The following EFCAB6 variants were observed in gnomAD, a reference collection of about 807,000 sequenced individuals.
EFCAB6 encodes EF-hand calcium-binding domain-containing protein 6.
EFCAB6 carries 156 observed loss-of-function variants against 169.8 expected under a neutral mutation model. The ratio of observed to expected loss-of-function variants is 0.92; its 90% CI spans 0.81 to 1.05. EFCAB6 has a LOEUF of 1.05. Ranked by LOEUF, EFCAB6 falls within the 50% of genes least tolerant of loss-of-function variation. The pLI is 0.00. For synonymous variants in EFCAB6, 698 were observed against 676.4 expected (o/e 1.03, Z -0.50); for missense variants, 1,800 against 1,829.1 (o/e 0.98, Z 0.29).
rs187049667 is a variant in EFCAB6, at chr22:43,763,809, T to C, written c.440+1496A>G. 1.2e-3 allele frequency among the ~76,000 whole-genome samples: 178 copies of C among 152,322 alleles called. 2 individuals are homozygous for C. The highest frequency in any genetic ancestry group is 2.1e-3 in the Admixed American group (32 of 15,294). On this transcript the variant is annotated intron_variant, in intron 5 of 31. Coordinates refer to ENST00000262726, the MANE Select transcript of EFCAB6 (RefSeq NM_022785.4). ...TCTTTTGAGACAGAGTCTCACTTTG[T>C]CACCCAGGCTGGAGTGCAGTGGCAC... is the stretch of plus-strand genomic sequence containing the variant.
chr22:43,604,276 T>C (rs1030571902), intron 22 of EFCAB6, among the ~76,000 whole-genome samples: 9 of 152,200 alleles, frequency 5.9e-5, no homozygotes, highest in African/African-American at 1.7e-4. Flanking sequence ...TCAAAGGGCA[T>C]ATTCAGTATG....
At chr22:43,705,470 T>C (rs60466203) in intron 10 of EFCAB6, among the ~76,000 whole-genome samples, 3,384 of 152,168 alleles carry the variant, frequency 0.022, 113 homozygotes, top group African/African-American at 0.078. Context: ...GATCAGATAA[T>C]AGGCCACAAG....
intron 10 of EFCAB6, among the ~76,000 whole-genome samples, chr22:43,710,902 C>G (rs2059138012): frequency 1.3e-5 from 2 of 152,094 alleles, no homozygotes. Context: ...GGGTTACAAG[C>G]AGTCAAATGC....
At chr22:43,679,238 G>A (rs1379972867) in intron 12 of EFCAB6, among the ~76,000 whole-genome samples, 1 of 152,178 alleles carries the variant, frequency 6.6e-6, no homozygotes, top group Non-Finnish European at 1.5e-5. Flanking sequence ...CATGTAAATA[G>A]AATCATAAAT....
chr22:43,716,876 T>C lies in EFCAB6; in HGVS notation c.854A>G (p.Asp285Gly), dbSNP rs1406121967. Reference protein sequence around the residue: ...SEDIWRNYSLDEIERNFCLQL... With the variant: ...SEDIWRNYSLGEIERNFCLQL... The stretch of plus-strand genomic sequence containing the variant: ...TAGACAAAAGTTCCTCTCAATTTCA[T>C]CCAAGGAGTAGTTTCTCCAGATATC... Residue 285 changes from aspartate to glycine, a missense_variant, in exon 9 of 32, where the codon GAT (aspartate) becomes GGT (glycine). By Grantham distance (94) the Asp-to-Gly change is moderately conservative. Transcript: ENST00000262726. The C allele has an allele frequency of 3.7e-6, 6 of 1,604,038 alleles. No individual in the cohort carries two copies. The Admixed American group carries it at 1.0e-4, about 27-fold the overall frequency.
chr22:43,540,022 A>G, intron 28 of EFCAB6, 105 bp downstream of exon 28: 1 of 1,278,170 alleles, frequency 7.8e-7, no homozygotes, highest in Non-Finnish European at 1.1e-6. Context: ...CCGTCTTCTC[A>G]GCCACTCAAC....
At position 43,529,014 on chromosome 22, in the gene EFCAB6, G is replaced by C. The variant is rs575205464; in HGVS notation, c.4384-39C>G. On this transcript the variant is annotated intron_variant, in intron 31 of 31. Coordinates refer to ENST00000262726, the MANE Select transcript of EFCAB6 (RefSeq NM_022785.4). ...AAAAGGGGCCTCTGAGGCTTGTTTG[G>C]TGCCCTAGGTTAAGGAGGCAGGCTG... 2.2e-5 allele frequency: 34 copies of C among 1,529,942 alleles called. 1 individual carries two copies. In the African/African-American group the frequency reaches 4.5e-4, roughly 20 times the overall value. The allele number at this position is 1,529,942 out of a possible 1,614,324, so 94.8% of individuals were successfully genotyped here.
intron 19 of EFCAB6, among the ~76,000 whole-genome samples, chr22:43,627,314 T>C (rs1377649222): frequency 6.6e-6 from 1 of 152,162 alleles, no homozygotes; most frequent in Non-Finnish European, 1.5e-5. Flanking sequence ...CCCTGATGTG[T>C]GATGGAGCGT....
At chr22:43,675,889 A>C (rs1569363963) in intron 13 of EFCAB6, among the ~76,000 whole-genome samples, 2 of 151,704 alleles carry the variant, frequency 1.3e-5, no homozygotes, top group Non-Finnish European at 2.9e-5. Context: ...CTACTTCTAA[A>C]ATCTATTCTA....
chr22:43,610,620 A>C (rs867637789), intron 21 of EFCAB6, among the ~76,000 whole-genome samples: 5 of 152,190 alleles, frequency 3.3e-5, no homozygotes, highest in Non-Finnish European at 5.9e-5. Context: ...GGTCTAAGAT[A>C]TTGGCAATAT....
At chr22:43,579,513 TCATTCCATACAC>T (rs2050548161) in intron 25 of EFCAB6, among the ~76,000 whole-genome samples, 1 of 150,282 alleles carries the variant, frequency 6.7e-6, no homozygotes, top group African/African-American at 2.5e-5. Flanking sequence ...CCTGCAAGCA[TCATTCCATACAC>T]ATAGGCATCA....
chr22:43,534,828 G>A lies in EFCAB6; in HGVS notation c.4093C>T (p.Gln1365Ter), dbSNP rs2047291432. The A allele has an allele frequency of 6.2e-7, 1 of 1,612,710 alleles. No individual in the cohort carries two copies. Among genetic ancestry groups the A allele is most frequent in the African/African-American group, 1.3e-5 (1 of 74,886 alleles). Residue 1365 changes from glutamine (Q) to a stop codon, truncating the protein, a stop_gained, in exon 30 of 32, where the codon CAG (glutamine) becomes TAG (stop). Transcript: ENST00000262726. LOFTEE classifies it high-confidence loss of function. ...AAGTCGTATTTTATAATGAGCTGCTGACACTCCTCTTTGCTTATGTCCAGG... is the reference window on the plus strand; with the variant it reads ...AAGTCGTATTTTATAATGAGCTGCTAACACTCCTCTTTGCTTATGTCCAGG... Reference protein sequence around the residue: ...FNLDISKEECQQLIIKYDLKS... With the variant: ...FNLDISKEEC
intron 8 of EFCAB6, among the ~76,000 whole-genome samples, chr22:43,731,297 G>C (rs2059938463): frequency 6.6e-6 from 1 of 152,142 alleles, no homozygotes; most frequent in Non-Finnish European, 1.5e-5. Context: ...TTTCTGTTAA[G>C]ATTTTTCCCA....
At chr22:43,807,880 C>T (rs568580066) in intron 2 of EFCAB6, among the ~76,000 whole-genome samples, 7 of 152,298 alleles carry the variant, frequency 4.6e-5, no homozygotes, top group African/African-American at 1.4e-4. Flanking sequence ...TGGCCATTTA[C>T]TGAGCATCTA....
intron 6 of EFCAB6, among the ~76,000 whole-genome samples, chr22:43,736,658 G>A (rs1667315121): frequency 6.6e-6 from 1 of 152,024 alleles, no homozygotes; most frequent in Admixed American, 6.5e-5. Flanking sequence ...ACAATGTTAG[G>A]ATAGACCCTG....
rs2047285121 is a variant in EFCAB6 at position 43,534,730 on chromosome 22, G to A, written c.4191C>T (p.Ser1397=). Residue 1397 remains serine, a synonymous_variant, in exon 30 of 32, where the codon AGC becomes AGT. Transcript: ENST00000262726. ...GGATCTTCATCCTGTGCATCAGTGA[G>A]CTTTCCTTTGCTTTTAGCAGGAGGA... The part of the protein sequence containing the change: ...SCVLLLKAKE[S]SLMHRMKIQN... 30 of 1,613,596 alleles carry A rather than the reference G, an allele frequency of 1.9e-5. No homozygotes were observed. The highest frequency in any genetic ancestry group is 2.5e-5 in the Non-Finnish European group (30 of 1,179,882).
intron 26 of EFCAB6, among the ~76,000 whole-genome samples, chr22:43,559,719 G>A (rs1235026527): frequency 6.6e-6 from 1 of 152,190 alleles, no homozygotes; most frequent in Non-Finnish European, 1.5e-5. Flanking sequence ...GCAGGGATAT[G>A]GATAAAGCTG....
At chr22:43,761,251 C>T (rs926415407) in intron 5 of EFCAB6, among the ~76,000 whole-genome samples, 1 of 152,230 alleles carries the variant, frequency 6.6e-6, no homozygotes, top group Non-Finnish European at 1.5e-5. Flanking sequence ...TTCTTACACA[C>T]TATAGTACCC....
chr22:43,688,992 T>C (rs1284675183), intron 10 of EFCAB6, among the ~76,000 whole-genome samples: 1 of 152,162 alleles, frequency 6.6e-6, no homozygotes, highest in Non-Finnish European at 1.5e-5. Flanking sequence ...AAAGAGTGAA[T>C]TCTGGGAGAA....
Sources: allele counts gnomAD v4.1 joint callset (sites outside exome capture counted in the v4.1 genomes callset), GRCh38; gene constraint gnomAD v4.1.1; transcripts MANE v1.5; gene names NCBI Gene and HGNC (gene_info 2026-07-23, HGNC 2026-07-21).